Variants in ARFGEF1 observed in about 807,000 individuals in gnomAD.
ARFGEF1 encodes the protein ARF guanine nucleotide exchange factor 1, also known as brefeldin A-inhibited guanine nucleotide-exchange protein 1.
ARFGEF1 carries 42 observed loss-of-function variants against 231.0 expected under a neutral mutation model. The ratio of observed to expected loss-of-function variants is 0.18; its 90% CI spans 0.14 to 0.24. ARFGEF1 has a LOEUF of 0.24. Among genes scored for constraint, ARFGEF1 ranks in the 10% least tolerant of loss-of-function variants. The pLI, the probability that ARFGEF1 is intolerant of heterozygous loss-of-function variation, is 1.00. For synonymous variants in ARFGEF1, 710 were observed against 732.3 expected (o/e 0.97, Z 0.49); for missense variants, 1,345 against 2,192.0 (o/e 0.61, Z 7.72).
intron 15 of ARFGEF1, among the ~76,000 whole-genome samples, chr8:67,258,818 TACACAC>T (rs10576509): frequency 2.2e-4 from 32 of 143,034 alleles, no homozygotes; most frequent in Middle Eastern, 3.5e-3. Context: ...AAGCAGATTT[TACACAC>T]ACACACACAC....
chr8:67,225,884 C>T lies in ARFGEF1; in HGVS notation c.4077+139G>A, dbSNP rs1839355768. 3.6e-6 allele frequency: 3 copies of T among 844,046 alleles called. No homozygotes were observed. In the East Asian group the frequency reaches 8.4e-5, roughly 24 times the overall value. The allele number at this position is 844,046 out of a possible 1,614,324, so 52.3% of individuals were successfully genotyped here. A position where few individuals can be genotyped will look rare whatever the true frequency, so the allele number is the denominator to read the frequency against. ...TAGTTATAATCACTAACCATCCTAA[C>T]TTGGAATCAGGCTGCTCAGATTATT... is the stretch of plus-strand genomic sequence containing the variant. On this transcript the variant is annotated intron_variant, in intron 28 of 38. Coordinates refer to ENST00000262215, the MANE Select transcript of ARFGEF1 (RefSeq NM_006421.5).
chr8:67,184,225 C>T (rs1833801919), intron 5 of ARFGEF1, among the ~76,000 whole-genome samples: 1 of 151,916 alleles, frequency 6.6e-6, no homozygotes, highest in Non-Finnish European at 1.5e-5. Context: ...GTAGAAAGAT[C>T]TAAAATCAGT....
intron 23 of ARFGEF1, among the ~76,000 whole-genome samples, chr8:67,230,928 G>T (rs1393620432): frequency 6.6e-6 from 1 of 152,022 alleles, no homozygotes; most frequent in East Asian, 1.9e-4. Context: ...TCACCTTAAA[G>T]TCTGTAATAA....
At chr8:67,342,812 C>A (rs1808706086) in intron 1 of ARFGEF1, among the ~76,000 whole-genome samples, 1 of 152,170 alleles carries the variant, frequency 6.6e-6, no homozygotes, top group Non-Finnish European at 1.5e-5. Context: ...TAATAAACAA[C>A]AGCTCATCTT....
At chr8:67,278,113 G>C (rs949464578) in intron 7 of ARFGEF1, among the ~76,000 whole-genome samples, 2 of 152,050 alleles carry the variant, frequency 1.3e-5, no homozygotes, top group African/African-American at 2.4e-5. Flanking sequence ...AACAAACAGA[G>C]ATAATGAAAA....
At chr8:67,225,669 G>A (rs1490777796) in intron 28 of ARFGEF1, among the ~76,000 whole-genome samples, 1 of 152,066 alleles carries the variant, frequency 6.6e-6, no homozygotes, top group Non-Finnish European at 1.5e-5. Flanking sequence ...ACAGGCTGGG[G>A]CTCAAACCCT....
chr8:67,254,088 C>T (rs1840379551), intron 17 of ARFGEF1, among the ~76,000 whole-genome samples: 1 of 152,170 alleles, frequency 6.6e-6, no homozygotes, highest in South Asian at 2.1e-4. Context: ...AACCAGTTAA[C>T]AATCTCTCTG....
intron 5 of ARFGEF1, among the ~76,000 whole-genome samples, chr8:67,184,039 G>GACTAAAAAT (rs1184490406): frequency 6.6e-6 from 1 of 152,030 alleles, no homozygotes. Flanking sequence ...TTTTAGTAGA[G>GACTAAAAAT]ACGGGGTTTC....
At chr8:67,221,308 T>C (rs567693040) in intron 29 of ARFGEF1, among the ~76,000 whole-genome samples, 87 of 152,278 alleles carry the variant, frequency 5.7e-4, no homozygotes, top group African/African-American at 1.9e-3. Flanking sequence ...GAAGAAGTCA[T>C]TGTTATCATA....
intron 22 of ARFGEF1, among the ~76,000 whole-genome samples, chr8:67,237,480 A>T (rs1246371104): frequency 6.6e-6 from 1 of 152,078 alleles, no homozygotes; most frequent in Admixed American, 6.6e-5. Flanking sequence ...GTTTCTAAGA[A>T]TTTTCACTGC....
intron 1 of ARFGEF1, among the ~76,000 whole-genome samples, chr8:67,312,437 A>G (rs113193920): frequency 0.022 from 3,347 of 152,254 alleles, 74 homozygotes; most frequent in South Asian, 0.047. Context: ...AGGTGAAAGA[A>G]AAGATCTGTC....
intron 1 of ARFGEF1, among the ~76,000 whole-genome samples, chr8:67,310,265 G>T (rs930677168): frequency 2.6e-5 from 4 of 152,088 alleles, no homozygotes; most frequent in African/African-American, 9.7e-5. Flanking sequence ...GCGCCACCAC[G>T]CCTGACTGGT....
intron 1 of ARFGEF1, among the ~76,000 whole-genome samples, chr8:67,308,485 A>G (rs1384197677): frequency 6.6e-6 from 1 of 152,214 alleles, no homozygotes; most frequent in African/African-American, 2.4e-5. Flanking sequence ...AGAGCTTAAT[A>G]AAATGCAGCT....
At chr8:67,293,318 G>A (rs944150717) in intron 5 of ARFGEF1, among the ~76,000 whole-genome samples, 1 of 152,004 alleles carries the variant, frequency 6.6e-6, no homozygotes, top group African/African-American at 2.4e-5. Flanking sequence ...TAGTCAAGTC[G>A]GTTTTGCTCG....
intron 9 of ARFGEF1, 116 bp downstream of exon 9, chr8:67,275,859 AT>A (rs570170444): frequency 2.7e-4 from 343 of 1,268,434 alleles, no homozygotes; most frequent in Non-Finnish European, 3.0e-4. Flanking sequence ...CCTCCACCCA[AT>A]TTTTTTTTAT....
intron 1 of ARFGEF1, among the ~76,000 whole-genome samples, chr8:67,307,567 C>T (rs1207485095): frequency 6.6e-6 from 1 of 152,138 alleles, no homozygotes; most frequent in Non-Finnish European, 1.5e-5. Context: ...ACGTACTTAG[C>T]CACAATGCCA....
At chr8:67,204,626 T>TA in intron 35 of ARFGEF1, 54 bp downstream of exon 35, 1 of 1,568,542 alleles carries the variant, frequency 6.4e-7, no homozygotes, top group East Asian at 2.3e-5. Flanking sequence ...CCCAGACTGC[T>TA]ATACCTAACT....
chr8:67,263,009 CA>C (rs1214784457), intron 14 of ARFGEF1, among the ~76,000 whole-genome samples: 16 of 152,314 alleles, frequency 1.1e-4, no homozygotes, highest in African/African-American at 3.8e-4. Context: ...ACTTAATCTT[CA>C]AGTAATCTTG....
At chr8:67,274,976 G>A (rs1404683213) in intron 9 of ARFGEF1, among the ~76,000 whole-genome samples, 4 of 152,074 alleles carry the variant, frequency 2.6e-5, no homozygotes, top group Non-Finnish European at 5.9e-5. Flanking sequence ...GGGACTAAAG[G>A]ATGTTTCTCC....
Sources: allele counts gnomAD v4.1 joint callset (sites outside exome capture counted in the v4.1 genomes callset), GRCh38; gene constraint gnomAD v4.1.1; transcripts MANE v1.5; gene names NCBI Gene and HGNC (gene_info 2026-07-23, HGNC 2026-07-21).